MKLN1: variants seen among roughly 807,000 people sequenced by gnomAD.
MKLN1 encodes the protein muskelin.
MKLN1 carries 18 observed loss-of-function variants against 99.0 expected under a neutral mutation model. That is an observed-to-expected ratio of 0.18 (90% confidence interval 0.13 to 0.27). The LOEUF is 0.27. Ranked by LOEUF, MKLN1 falls within the 10% of genes least tolerant of loss-of-function variation. MKLN1 has a pLI of 1.00. For missense variants in MKLN1, 621 were observed against 875.9 expected (o/e 0.71, Z 3.67); for synonymous variants, 288 against 293.2 (o/e 0.98, Z 0.18).
intron 2 of MKLN1, among the ~76,000 whole-genome samples, chr7:131,199,702 T>A (rs961103967): frequency 2.0e-5 from 3 of 152,194 alleles, no homozygotes; most frequent in South Asian, 2.1e-4. Flanking sequence ...TTTTAATTTT[T>A]TAAAAAATTG....
upstream of MKLN1, chr7:131,323,848 A>G (rs1380932797): frequency 6.6e-6 from 1 of 152,246 alleles, no homozygotes; most frequent in Non-Finnish European, 1.5e-5. Flanking sequence ...ATGGGGGACC[A>G]GACCCTCGTA....
chr7:131,288,596 C>T (rs545391882), intron 3 of MKLN1, among the ~76,000 whole-genome samples: 1 of 152,296 alleles, frequency 6.6e-6, no homozygotes, highest in Admixed American at 6.5e-5. Flanking sequence ...AGCCCCATGT[C>T]CTTCTCTGCC....
intron 3 of MKLN1, among the ~76,000 whole-genome samples, chr7:131,241,148 A>AGGGT (rs1797395451): frequency 6.6e-6 from 1 of 151,628 alleles, no homozygotes; most frequent in Non-Finnish European, 1.5e-5. Context: ...GAGGCAGAGG[A>AGGGT]GGGTGGATCA....
At chr7:131,486,234 GA>G (rs1797271900) in intron 17 of MKLN1, among the ~76,000 whole-genome samples, 1 of 140,674 alleles carries the variant, frequency 7.1e-6, no homozygotes, top group Non-Finnish European at 1.5e-5. Context: ...ATAAAAAGTT[GA>G]AAAAGAAGCA....
chr7:131,438,603 A>G (rs1242544009), intron 10 of MKLN1, among the ~76,000 whole-genome samples: 1 of 151,682 alleles, frequency 6.6e-6, no homozygotes, highest in African/African-American at 2.4e-5. Flanking sequence ...CATCATTGTC[A>G]TTATCATTGT....
chr7:131,291,975 C>T (rs1015736092), intron 3 of MKLN1, among the ~76,000 whole-genome samples: 11 of 151,830 alleles, frequency 7.2e-5, no homozygotes, highest in Non-Finnish European at 1.6e-4. Context: ...GGTGTGGTGG[C>T]GTGCGCCTTA....
intron 3 of MKLN1, among the ~76,000 whole-genome samples, chr7:131,221,897 C>T (rs1479177211): frequency 6.6e-6 from 1 of 151,678 alleles, no homozygotes; most frequent in Non-Finnish European, 1.5e-5. Context: ...GTTCTAAGTG[C>T]TTTTATTTTA....
At chr7:131,118,534 C>G (rs1421177242) in intron 1 of MKLN1, among the ~76,000 whole-genome samples, 1 of 138,770 alleles carries the variant, frequency 7.2e-6, no homozygotes, top group Non-Finnish European at 1.5e-5. Flanking sequence ...GCCTGAGCAA[C>G]AAGAGCAAAA....
chr7:131,251,093 ATGTGTG>A (rs34359037), intron 3 of MKLN1, among the ~76,000 whole-genome samples: 36 of 146,256 alleles, frequency 2.5e-4, no homozygotes, highest in South Asian at 9.2e-4. Flanking sequence ...TGGGGCCCAG[ATGTGTG>A]TGTGTGTGTG....
chr7:131,409,949 G>C (rs1794827803), intron 6 of MKLN1, among the ~76,000 whole-genome samples: 1 of 152,058 alleles, frequency 6.6e-6, no homozygotes, highest in African/African-American at 2.4e-5. Context: ...ATTACATGCA[G>C]ATATTCCAGA....
intron 1 of MKLN1, among the ~76,000 whole-genome samples, chr7:131,119,978 G>A (rs1795336548): frequency 6.6e-6 from 1 of 152,122 alleles, no homozygotes; most frequent in African/African-American, 2.4e-5. Context: ...CTAGTTTCAA[G>A]TCATTTCTTT....
Position 131,487,078 on chromosome 7 carries a change from T to C in MKLN1, c.2087-529T>C, listed in dbSNP as rs1316365709. The stretch of plus-strand genomic sequence containing the variant: ...TCGTCTCTGTTACCACTCAGTTCCC[T>C]GAGACTACTTCCAGCTGTCTCAGAG... On this transcript the variant is annotated intron_variant, in intron 17 of 17. Transcript: ENST00000352689. The surrounding 1 kb of genome is among the most constrained non-coding windows in gnomAD (Gnocchi z 4.7). 1.3e-5 allele frequency among the ~76,000 whole-genome samples: 2 copies of C among 152,140 alleles called. No individual in the cohort carries two copies. The highest frequency in any genetic ancestry group is 4.8e-5 in the African/African-American group (2 of 41,444).
chr7:131,138,707 A>G (rs936428170), intron 1 of MKLN1, among the ~76,000 whole-genome samples: 8 of 152,150 alleles, frequency 5.3e-5, no homozygotes, highest in Non-Finnish European at 7.4e-5. Context: ...AATGAAAAAA[A>G]AAATTCTTCA....
chr7:131,376,925 T>C (rs1336535090), intron 2 of MKLN1, among the ~76,000 whole-genome samples: 1 of 152,122 alleles, frequency 6.6e-6, no homozygotes, highest in Non-Finnish European at 1.5e-5. Flanking sequence ...TATAAATTGA[T>C]TCAGTCATTT....
chr7:131,302,219 A>G (rs1452311752), intron 3 of MKLN1, among the ~76,000 whole-genome samples: 1 of 152,206 alleles, frequency 6.6e-6, no homozygotes, highest in Non-Finnish European at 1.5e-5. Context: ...TGACTACTCC[A>G]TTGTGAGCTC....
intron 2 of MKLN1, among the ~76,000 whole-genome samples, chr7:131,180,677 C>T (rs967784311): frequency 6.3e-5 from 9 of 142,688 alleles, no homozygotes; most frequent in South Asian, 2.2e-4. Flanking sequence ...CCAGCCTGGG[C>T]GACAGAGTGA....
intron 3 of MKLN1, among the ~76,000 whole-genome samples, chr7:131,314,772 G>T (rs1341128612): frequency 6.6e-6 from 1 of 151,846 alleles, no homozygotes; most frequent in African/African-American, 2.4e-5. Context: ...GGTACTGAAA[G>T]AAAAATAAAA....
intron 8 of MKLN1, among the ~76,000 whole-genome samples, chr7:131,421,225 TTCTA>T (rs1374674377): frequency 5.3e-5 from 8 of 152,238 alleles, no homozygotes; most frequent in Non-Finnish European, 1.2e-4. Context: ...TCTTCTGTGT[TTCTA>T]TTATGACTAT....
chr7:131,177,048 A>C (rs1415178874), intron 2 of MKLN1, among the ~76,000 whole-genome samples: 2 of 152,256 alleles, frequency 1.3e-5, no homozygotes, highest in Non-Finnish European at 2.9e-5. Flanking sequence ...AGAAAGGTTA[A>C]GTAACTTGCA....
Sources: gnomAD v4.1 joint callset for allele counts (sites outside exome capture counted in the v4.1 genomes callset) on GRCh38, gnomAD v4.1.1 for gene constraint, Gnocchi (gnomAD v3.1) non-coding constraint, MANE v1.5 for transcripts, NCBI Gene and HGNC (gene_info 2026-07-23, HGNC 2026-07-21) for gene names.